PPP2R3B: variants seen among roughly 807,000 people sequenced by gnomAD.
The protein encoded by PPP2R3B is protein phosphatase 2 regulatory subunit B''beta, also known as serine/threonine-protein phosphatase 2A regulatory subunit B'' subunit beta.
A neutral mutation model predicts 72.9 loss-of-function variants in PPP2R3B; 68 were observed. The ratio of observed to expected loss-of-function variants is 0.93; its 90% CI spans 0.77 to 1.14. The LOEUF is 1.14. Among genes scored for constraint, PPP2R3B ranks in the 50% most tolerant of loss-of-function variants. The pLI is 0.00. For missense variants in PPP2R3B, 1,018 were observed against 842.0 expected (o/e 1.21, Z -2.59); for synonymous variants, 466 against 375.8 (o/e 1.24, Z -2.78).
chrX:354,036 G>A (rs868102107), intron 2 of PPP2R3B, among the ~76,000 whole-genome samples: 3 of 95,910 alleles, frequency 3.1e-5, no homozygotes, highest in Admixed American at 1.2e-4. Context: ...GCTCGCCCAG[G>A]GACCAGGGGC....
chrX:386,907 C>G lies in PPP2R3B; in HGVS notation c.-216G>C. The G allele has an allele frequency of 5.5e-6, 1 of 182,436 alleles. No homozygotes were observed. Among genetic ancestry groups the G allele is most frequent in the Admixed American group, 6.1e-5 (1 of 16,336 alleles). The allele number at this position is 182,436 out of a possible 1,614,324, so 11.3% of individuals were successfully genotyped here. ...CGGCCCGCGCTGCTCAGGGCAGCTT[C>G]AAAACGGGCGCGCCGGCCGCGCTCC... On this transcript the variant is annotated 5_prime_UTR_variant, in exon 1 of 13. Coordinates refer to ENST00000390665, the MANE Select transcript of PPP2R3B (RefSeq NM_013239.5).
chrX:346,310 T>C, intron 5 of PPP2R3B, 50 bp from the exon 6 acceptor site: 1 of 1,517,892 alleles, frequency 6.6e-7, no homozygotes, highest in Non-Finnish European at 8.9e-7. Context: ...CCCAGGAGCC[T>C]CGCCCCGCAC....
chrX:376,828 G>C (rs1388207063), intron 1 of PPP2R3B, among the ~76,000 whole-genome samples: 3 of 123,096 alleles, frequency 2.4e-5, no homozygotes, highest in Non-Finnish European at 5.4e-5. Context: ...ATACAGGGAC[G>C]GGCCGTCCAC....
At chrX:369,681 G>A (rs1169079106) in intron 1 of PPP2R3B, among the ~76,000 whole-genome samples, 2 of 152,242 alleles carry the variant, frequency 1.3e-5, no homozygotes, top group Non-Finnish European at 2.9e-5. Context: ...TGCAGAGGGT[G>A]CGCACAGCAG....
chrX:342,192 G>C (rs1199169590), intron 7 of PPP2R3B: 6 of 597,464 alleles, frequency 1.0e-5, no homozygotes, highest in African/African-American at 9.3e-5. Context: ...GTAAAGAGCA[G>C]AATATTCAGG....
intron 3 of PPP2R3B, 92 bp downstream of exon 3, chrX:347,498 G>A (rs1287878695): frequency 9.2e-6 from 13 of 1,412,608 alleles, no homozygotes; most frequent in South Asian, 3.6e-5. Context: ...CTCTCACTGC[G>A]GCAGCCTCAG....
chrX:353,203 A>G (rs2738400), intron 2 of PPP2R3B, among the ~76,000 whole-genome samples: 54,530 of 151,726 alleles, frequency 0.36, 11,899 homozygotes, highest in African/African-American at 0.61. Flanking sequence ...GTGAAACCCC[A>G]TCTCTCCTAA....
Position 338,913 on chromosome X carries a change from G to A in PPP2R3B, c.1352-17C>T. 6.2e-7 allele frequency: 1 copy of A among 1,605,266 alleles called. No homozygotes were observed. Among genetic ancestry groups the A allele is most frequent in the South Asian group, 1.1e-5 (1 of 90,928 alleles). The stretch of plus-strand genomic sequence containing the variant: ...TGATCTTCCCTGCGGGGAGGGGAGT[G>A]CGTCCAAGGCGCGTGAGCCCGGTCT... On this transcript the variant is annotated splice_polypyrimidine_tract_variant and intron_variant, in intron 10 of 12. Transcript: ENST00000390665.
At position 334,334 on chromosome X, in the gene PPP2R3B, A is replaced by C. The variant is rs1133535; in HGVS notation, c.*33T>G. 4 of 1,451,132 alleles carry C rather than the reference A, an allele frequency of 2.8e-6. No individual in the cohort carries two copies. The African/African-American group carries it at 5.9e-5, about 22-fold the overall frequency. 89.9% of individuals were successfully genotyped at this position (1,451,132 alleles called of 1,614,324 possible). The stretch of plus-strand genomic sequence containing the variant: ...GGTGGCCCGGTGGTGGCACGTGGGG[A>C]GCGGCCCCGCGGCGGCGTTCTCGCG... On this transcript the variant is annotated 3_prime_UTR_variant, in exon 13 of 13. Transcript: ENST00000390665.
At chrX:353,635 C>T (rs1428481018) in intron 2 of PPP2R3B, among the ~76,000 whole-genome samples, 4 of 152,388 alleles carry the variant, frequency 2.6e-5, no homozygotes, top group Non-Finnish European at 2.9e-5. Flanking sequence ...AAAAGGAGAC[C>T]GCAGGCCAGT....
At chrX:335,402 G>A (rs2070861164) in intron 12 of PPP2R3B, 1 of 152,454 alleles carries the variant, frequency 6.6e-6, no homozygotes, top group South Asian at 2.1e-4. Context: ...CCAGGTCAGA[G>A]CCACCGTGCA....
chrX:371,290 C>G (rs1260369959), intron 1 of PPP2R3B, among the ~76,000 whole-genome samples: 1 of 152,160 alleles, frequency 6.6e-6, no homozygotes, highest in Non-Finnish European at 1.5e-5. Context: ...GGTGAGAGTA[C>G]GTGTAACACG....
At chrX:370,451 G>C (rs1176855395) in intron 1 of PPP2R3B, among the ~76,000 whole-genome samples, 1 of 152,172 alleles carries the variant, frequency 6.6e-6, no homozygotes, top group East Asian at 1.9e-4. Context: ...TCGGAAGGCT[G>C]GGCTGGGGGA....
At chrX:360,007 A>T (rs2071509005) in intron 2 of PPP2R3B, among the ~76,000 whole-genome samples, 1 of 151,766 alleles carries the variant, frequency 6.6e-6, no homozygotes, top group African/African-American at 2.4e-5. Context: ...GGGCGGGGAC[A>T]CTTAATGTGT....
At chrX:357,688 C>T (rs756499900) in intron 2 of PPP2R3B, among the ~76,000 whole-genome samples, 1 of 152,118 alleles carries the variant, frequency 6.6e-6, no homozygotes, top group Non-Finnish European at 1.5e-5. Context: ...TCAAAATAGT[C>T]TCCATAAATG....
Position 369,700 on chromosome X carries a change from C to T in PPP2R3B, c.325-8110G>A, listed in dbSNP as rs757165566. Among the ~76,000 whole-genome samples the T allele has an allele frequency of 9.8e-5, 15 of 152,330 alleles. 1 individual carries two copies. The East Asian group carries it at 2.3e-3, about 23-fold the overall frequency. On this transcript the variant is annotated intron_variant, in intron 1 of 12. Coordinates refer to ENST00000390665, the MANE Select transcript of PPP2R3B (RefSeq NM_013239.5). ...GAGGGTGCGCACAGCAGGCAGGGCG[C>T]GGTGACCAGCAGAAATGACCCTCGC...
At chrX:363,079 T>C (rs1473715119) in intron 1 of PPP2R3B, among the ~76,000 whole-genome samples, 3 of 152,112 alleles carry the variant, frequency 2.0e-5, no homozygotes, top group Non-Finnish European at 4.4e-5. Context: ...GCCGCCTCCG[T>C]GACCTGGGGC....
At chrX:353,726 G>A (rs780314577) in intron 2 of PPP2R3B, among the ~76,000 whole-genome samples, 5 of 152,352 alleles carry the variant, frequency 3.3e-5, no homozygotes, top group African/African-American at 1.2e-4. Context: ...ACTGTGTGGT[G>A]GACCAGGGAC....
intron 1 of PPP2R3B, among the ~76,000 whole-genome samples, chrX:363,536 CCCGA>C (rs2071600428): frequency 1.3e-4 from 19 of 143,784 alleles, no homozygotes; most frequent in South Asian, 2.3e-4. Flanking sequence ...AGTGCATCTC[CCCGA>C]GCCCGCGATC....
Sources: gnomAD v4.1 joint callset for allele counts (sites outside exome capture counted in the v4.1 genomes callset) on GRCh38, gnomAD v4.1.1 for gene constraint, MANE v1.5 for transcripts, NCBI Gene and HGNC (gene_info 2026-07-23, HGNC 2026-07-21) for gene names.